CACNA1S: variants seen among roughly 807,000 people sequenced by gnomAD.
CACNA1S encodes the protein voltage-dependent L-type calcium channel subunit alpha-1S.
A neutral mutation model predicts 207.4 loss-of-function variants in CACNA1S; 126 were observed. That is an observed-to-expected ratio of 0.61 (90% confidence interval 0.53 to 0.70). The LOEUF (loss-of-function observed/expected upper bound fraction) is 0.70, where lower values mean the gene tolerates loss of function less well. Among genes scored for constraint, CACNA1S ranks in the 30% least tolerant of loss-of-function variants. The pLI, the probability that CACNA1S is intolerant of heterozygous loss-of-function variation, is 0.00. For synonymous variants in CACNA1S, 960 were observed against 932.7 expected (o/e 1.03, Z -0.53); for missense variants, 2,349 against 2,422.8 (o/e 0.97, Z 0.64).
chr1:201,045,420 T>A (rs1660438307), intron 38 of CACNA1S, among the ~76,000 whole-genome samples: 2 of 152,122 alleles, frequency 1.3e-5, no homozygotes, highest in African/African-American at 2.4e-5. Flanking sequence ...GAAATTTGAA[T>A]GGGGTCTGAG....
rs1353993763 is a variant in CACNA1S at position 201,074,708 on chromosome 1, C to T, written c.1949-88G>A. The T allele has an allele frequency of 5.3e-6, 4 of 756,736 alleles. No homozygotes were observed. The African/African-American group carries it at 6.3e-5, about 12-fold the overall frequency. The allele number at this position is 756,736 out of a possible 1,614,324, so 46.9% of individuals were successfully genotyped here. A position where few individuals can be genotyped will look rare whatever the true frequency, so the allele number is the denominator to read the frequency against. ...TCTGTCTGCCTGCATGTGGGCAGGA[C>T]CTAACCCCACTCTCCCAGAGCTACC... On this transcript the variant is annotated intron_variant, in intron 13 of 43. Coordinates refer to ENST00000362061, the MANE Select transcript of CACNA1S (RefSeq NM_000069.3).
chr1:201,062,841 G>T (rs1013721966), intron 22 of CACNA1S, among the ~76,000 whole-genome samples: 12 of 152,144 alleles, frequency 7.9e-5, no homozygotes, highest in African/African-American at 2.4e-4. Flanking sequence ...GGACATGAGT[G>T]CAGCTTGGCC....
intron 6 of CACNA1S, 46 bp from the exon 7 acceptor site, chr1:201,087,975 C>T (rs1234454180): frequency 7.6e-7 from 1 of 1,315,222 alleles, no homozygotes; most frequent in Non-Finnish European, 1.1e-6. Context: ...GGCTTGGTTC[C>T]TCTTCCCCAA....
intron 41 of CACNA1S, 141 bp downstream of exon 41, chr1:201,041,363 C>T (rs1321124584): frequency 2.6e-5 from 19 of 718,398 alleles, no homozygotes; most frequent in Non-Finnish European, 4.6e-5. Flanking sequence ...TTTCCCATTC[C>T]AGGGCCCAGA....
chr1:201,097,479 T>C (rs964232029), intron 2 of CACNA1S, among the ~76,000 whole-genome samples: 2 of 152,138 alleles, frequency 1.3e-5, no homozygotes, highest in Admixed American at 1.3e-4. Context: ...GCCCAGAGTG[T>C]CCCTGAGGCC....
At chr1:201,093,136 C>A (rs1662298291) in intron 3 of CACNA1S, among the ~76,000 whole-genome samples, 1 of 152,190 alleles carries the variant, frequency 6.6e-6, no homozygotes, top group Admixed American at 6.5e-5. Context: ...GAGATATGTT[C>A]CTTCTAAATT....
intron 13 of CACNA1S, 52 bp downstream of exon 13, chr1:201,075,443 T>TCCCCCCCCCCC: frequency 3.1e-6 from 5 of 1,597,898 alleles, no homozygotes; most frequent in South Asian, 1.1e-5. Flanking sequence ...TTAAGCCCTT[T>TCCCCCCCCCCC]CCCCCACCCC....
Position 201,109,960 on chromosome 1 carries a change from G to A in CACNA1S, c.258+204C>T, listed in dbSNP as rs1325311. Among the ~76,000 whole-genome samples, 70,515 of 152,084 alleles carry A rather than the reference G, an allele frequency of 0.46. 17,043 individuals carry two copies. The highest frequency in any genetic ancestry group is 0.81 in the East Asian group (4,221 of 5,180). On this transcript the variant is annotated intron_variant, in intron 2 of 43. Coordinates refer to ENST00000362061, the MANE Select transcript of CACNA1S (RefSeq NM_000069.3). ...AGTGCGTGCTTAGTGCTGGCTGACAGTATCAGAATCTGGAATAAGCAGGTT... is the reference window on the plus strand; with the variant it reads ...AGTGCGTGCTTAGTGCTGGCTGACAATATCAGAATCTGGAATAAGCAGGTT...
intron 27 of CACNA1S, among the ~76,000 whole-genome samples, chr1:201,058,958 G>T (rs1282320029): frequency 6.6e-6 from 1 of 152,214 alleles, no homozygotes. Context: ...TGTAAGAGAA[G>T]CTCCAAGGAA....
At chr1:201,041,655 C>G (rs1279521571) in intron 40 of CACNA1S, 66 bp from the exon 41 acceptor site, 1 of 1,212,184 alleles carries the variant, frequency 8.2e-7, no homozygotes, top group East Asian at 2.4e-5. Flanking sequence ...CCCTGCCTCT[C>G]TGGCCCCAAA....
chr1:201,062,007 A>C lies in CACNA1S; in HGVS notation c.2990T>G (p.Phe997Cys). ...HREWVHSDFH[F>C]DNVLSAMMSL... ...CATCATGGCTGAGAGCACATTGTCG[A>C]AGTGGAAGTCGCTGTGTACCCACTC... The change falls in exon 24 of 44, where the codon TTC becomes TGC. Residue 997 changes from phenylalanine to cysteine, a missense_variant. Coordinates refer to ENST00000362061, the MANE Select transcript of CACNA1S (RefSeq NM_000069.3). 6.2e-7 allele frequency: 1 copy of C among 1,614,206 alleles called. No individual in the cohort carries two copies. Among genetic ancestry groups the C allele is most frequent in the South Asian group, 1.1e-5 (1 of 91,082 alleles).
intron 7 of CACNA1S, among the ~76,000 whole-genome samples, chr1:201,086,657 T>A (rs996409354): frequency 6.6e-6 from 1 of 152,260 alleles, no homozygotes; most frequent in Non-Finnish European, 1.5e-5. Context: ...CGTCATTGAC[T>A]GAAATGTCAT....
intron 10 of CACNA1S, among the ~76,000 whole-genome samples, chr1:201,082,323 G>T (rs967349375): frequency 7.1e-6 from 1 of 139,866 alleles, no homozygotes; most frequent in Non-Finnish European, 1.5e-5. Flanking sequence ...CACCGCGCCC[G>T]GCCTCAGGTA....
rs747790359 is a variant in CACNA1S at position 201,039,911 on chromosome 1, A to G, written c.5542T>C (p.Cys1848Arg). ...CCCAGGGAGGACCCGAGGTTCAGGCATCCCAGGGAGCTGGCCATGCCCTCT... is the reference window on the plus strand; with the variant it reads ...CCCAGGGAGGACCCGAGGTTCAGGCGTCCCAGGGAGCTGGCCATGCCCTCT... ...APEGMASSLGCLNLGSSLGSL... is the reference protein window; with the variant it reads ...APEGMASSLGRLNLGSSLGSL... The change falls in exon 44 of 44, where the codon TGC (cysteine) becomes CGC (arginine). Residue 1848 changes from cysteine to arginine, a missense_variant. Physicochemically the swap from Cys to Arg is radical, Grantham distance 180 (BLOSUM62 -3). Transcript: ENST00000362061. The G allele has an allele frequency of 3.7e-6, 6 of 1,613,794 alleles. No homozygotes were observed. Among genetic ancestry groups the G allele is most frequent in the South Asian group, 2.2e-5 (2 of 91,092 alleles).
rs116347156 is a variant in CACNA1S at position 201,062,005 on chromosome 1, C to T, written c.2992G>A (p.Asp998Asn). 514 of 1,614,174 alleles carry T rather than the reference C, an allele frequency of 3.2e-4. 4 individuals carry two copies. In the African/African-American group the frequency reaches 5.9e-3, roughly 19 times the overall value. Residue 998 changes from aspartate to asparagine, a missense_variant, in exon 24 of 44, where the codon GAC becomes AAC. By Grantham distance (23) the Asp-to-Asn change is conservative. Coordinates refer to ENST00000362061, the MANE Select transcript of CACNA1S (RefSeq NM_000069.3). Reference protein sequence around the residue: ...REWVHSDFHFDNVLSAMMSLF... With the variant: ...REWVHSDFHFNNVLSAMMSLF... ...GACATCATGGCTGAGAGCACATTGT[C>T]GAAGTGGAAGTCGCTGTGTACCCAC...
At chr1:201,099,269 C>T (rs1012887596) in intron 2 of CACNA1S, among the ~76,000 whole-genome samples, 2 of 152,240 alleles carry the variant, frequency 1.3e-5, no homozygotes, top group Non-Finnish European at 1.5e-5. Context: ...ACCCCTAGCA[C>T]AGTGGCCTGG....
At chr1:201,090,026 C>G (rs1662169941) in intron 5 of CACNA1S, among the ~76,000 whole-genome samples, 1 of 152,240 alleles carries the variant, frequency 6.6e-6, no homozygotes, top group Non-Finnish European at 1.5e-5. Context: ...TCCTGTACTT[C>G]TGATGACATC....
At chr1:201,098,269 C>G (rs1012740296) in intron 2 of CACNA1S, among the ~76,000 whole-genome samples, 1 of 152,118 alleles carries the variant, frequency 6.6e-6, no homozygotes, top group South Asian at 2.1e-4. Context: ...TGGGCAGGTG[C>G]GGCTGCACAC....
At chr1:201,091,409 G>A (rs1047203403) in intron 5 of CACNA1S, among the ~76,000 whole-genome samples, 12 of 151,858 alleles carry the variant, frequency 7.9e-5, no homozygotes, top group African/African-American at 2.2e-4. Context: ...GGGGGGTGAC[G>A]GTGTTTCAGA....
Sources: gnomAD v4.1 joint callset for allele counts (sites outside exome capture counted in the v4.1 genomes callset) on GRCh38, gnomAD v4.1.1 for gene constraint, MANE v1.5 for transcripts, NCBI Gene and HGNC (gene_info 2026-07-23, HGNC 2026-07-21) for gene names.